Variants in TMEM184B observed in about 807,000 individuals in gnomAD.
TMEM184B encodes the protein putative MAPK-activating protein FM08.
In TMEM184B, 17 loss-of-function variants were observed where a neutral mutation model predicts 41.8. The observed-to-expected ratio is 0.41, with a 90% CI of 0.28 to 0.61. The LOEUF is 0.61. Ranked by LOEUF, TMEM184B falls within the 20% of genes least tolerant of loss-of-function variation. The pLI, the probability that TMEM184B is intolerant of heterozygous loss-of-function variation, is 0.34. For missense variants in TMEM184B, 393 were observed against 557.8 expected, an observed-to-expected ratio of 0.70 and a Z score of 2.98; for synonymous variants, 240 against 229.5, an observed-to-expected ratio of 1.05 and a Z score of -0.41.
chr22:38,248,676 C>G (rs190591510), intron 1 of TMEM184B, among the ~76,000 whole-genome samples: 48 of 152,342 alleles, frequency 3.2e-4, no homozygotes, highest in African/African-American at 1.2e-3. Context: ...TTCCCCCCAC[C>G]CCACCTAGAA....
chr22:38,255,887 G>A (rs1158148844), intron 1 of TMEM184B, among the ~76,000 whole-genome samples: 4 of 152,196 alleles, frequency 2.6e-5, no homozygotes, highest in African/African-American at 9.7e-5. Flanking sequence ...TGATGGGTGG[G>A]GGTGTGTAAT....
chr22:38,224,315 C>T (rs1023764941), intron 8 of TMEM184B, among the ~76,000 whole-genome samples: 16 of 152,286 alleles, frequency 1.1e-4, no homozygotes, highest in East Asian at 9.6e-4. Context: ...AGGGTTTCAC[C>T]GTGTTAGCCA....
chr22:38,230,867 C>T, intron 4 of TMEM184B, 123 bp from the exon 5 acceptor site: 3 of 941,884 alleles, frequency 3.2e-6, no homozygotes, highest in South Asian at 2.9e-5. Flanking sequence ...TCTGGGCAGA[C>T]TTTGAACCCG....
downstream of TMEM184B, among the ~76,000 whole-genome samples, chr22:38,218,508 CTATGGCTGGGT>C (rs142542563): frequency 0.038 from 5,727 of 152,102 alleles, 230 homozygotes; most frequent in East Asian, 0.15. Context: ...GAGGCCAACT[CTATGGCTGGGT>C]ATGGGGCTGG....
intron 1 of TMEM184B, among the ~76,000 whole-genome samples, chr22:38,253,554 G>C (rs2092215519): frequency 6.6e-6 from 1 of 152,068 alleles, no homozygotes; most frequent in South Asian, 2.1e-4. Context: ...CTGGGCAACA[G>C]AGCAAGACTC....
chr22:38,230,551 GC>G, intron 5 of TMEM184B, 117 bp downstream of exon 5: 1 of 995,932 alleles, frequency 1.0e-6, no homozygotes, highest in African/African-American at 1.6e-5. Context: ...GGTGCTGGGG[GC>G]CTGGGGTGCC....
intron 3 of TMEM184B, among the ~76,000 whole-genome samples, chr22:38,245,086 T>C (rs2091994014): frequency 6.6e-6 from 1 of 152,138 alleles, no homozygotes; most frequent in Non-Finnish European, 1.5e-5. Context: ...TCTTCCTGGG[T>C]GGCACAGTAG....
At chr22:38,250,218 C>A (rs561213277) in intron 1 of TMEM184B, among the ~76,000 whole-genome samples, 13 of 152,248 alleles carry the variant, frequency 8.5e-5, no homozygotes, top group African/African-American at 2.9e-4. Context: ...GAGGATCCTG[C>A]GCCCGCTGTC....
intron 8 of TMEM184B, chr22:38,224,183 T>A (rs1245689492): frequency 6.6e-6 from 1 of 152,226 alleles, no homozygotes. Flanking sequence ...TGGCACAATC[T>A]CGCTCACTGC....
At chr22:38,234,890 C>T (rs955024928) in intron 3 of TMEM184B, among the ~76,000 whole-genome samples, 4 of 152,284 alleles carry the variant, frequency 2.6e-5, no homozygotes, top group East Asian at 3.9e-4. Flanking sequence ...GCTCCATGCC[C>T]GAATCTCCTC....
At chr22:38,251,351 C>T (rs1301587510) in intron 1 of TMEM184B, among the ~76,000 whole-genome samples, 1 of 152,170 alleles carries the variant, frequency 6.6e-6, no homozygotes. Flanking sequence ...ATGAGGAAAA[C>T]GATGCAGAAC....
Position 38,220,592 on chromosome 22 carries a change from A to C in TMEM184B, c.*877T>G, listed in dbSNP as rs764307384. The C allele has an allele frequency of 6.1e-6, 6 of 986,026 alleles. No individual in the cohort carries two copies. The highest frequency in any genetic ancestry group is 7.2e-6 in the Non-Finnish European group (6 of 830,050). The allele number at this position is 986,026 out of a possible 1,614,324, so 61.1% of individuals were successfully genotyped here. ...CCTTTCCCCTGAAACGGGAGGGAGA[A>C]GCCCCAAAGAGAGAGAGGACCCAGC... On this transcript the variant is annotated 3_prime_UTR_variant, in exon 9 of 9. Transcript: ENST00000361906.
chr22:38,236,824 G>A lies in TMEM184B; in HGVS notation c.359-5490C>T, dbSNP rs1165860310. On this transcript the variant is annotated intron_variant, in intron 3 of 8. Coordinates refer to ENST00000361906, the MANE Select transcript of TMEM184B (RefSeq NM_012264.5). The stretch of plus-strand genomic sequence containing the variant: ...CCATTTCTAACGGGCAGAGTCCAGA[G>A]GTGGAAGTCGTGAGCTTGCTGCCAA... Among the ~76,000 whole-genome samples, 3 of 152,168 alleles carry A rather than the reference G, an allele frequency of 2.0e-5. No individual in the cohort carries two copies. The East Asian group carries it at 5.8e-4, about 29-fold the overall frequency.
At chr22:38,263,468 C>T (rs369413134) in intron 1 of TMEM184B, among the ~76,000 whole-genome samples, 8 of 152,288 alleles carry the variant, frequency 5.3e-5, no homozygotes, top group South Asian at 2.1e-4. Context: ...CTGCTCAATC[C>T]GGCACAGTGC....
intron 5 of TMEM184B, among the ~76,000 whole-genome samples, chr22:38,228,311 G>T (rs75001132): frequency 1.3e-5 from 2 of 152,228 alleles, no homozygotes; most frequent in East Asian, 3.8e-4. Context: ...GTGTTTCCCT[G>T]GGTCAGCTCA....
intron 1 of TMEM184B, among the ~76,000 whole-genome samples, chr22:38,265,459 C>A (rs2092430745): frequency 6.6e-6 from 1 of 152,120 alleles, no homozygotes; most frequent in Non-Finnish European, 1.5e-5. Flanking sequence ...TTGGGGGTAG[C>A]TACTCAGCAG....
At chr22:38,238,402 T>C (rs546658369) in intron 3 of TMEM184B, among the ~76,000 whole-genome samples, 1 of 152,052 alleles carries the variant, frequency 6.6e-6, no homozygotes, top group African/African-American at 2.4e-5. Context: ...ATTTTTGTAT[T>C]TTTAGTAGAG....
At chr22:38,272,577 C>A (rs1172664522) in intron 1 of TMEM184B, 11 of 985,530 alleles carry the variant, frequency 1.1e-5, no homozygotes, top group Non-Finnish European at 1.2e-5. Flanking sequence ...ATCCGCCTCC[C>A]TCTCCCGGGG....
At chr22:38,232,966 C>A (rs1029956617) in intron 3 of TMEM184B, among the ~76,000 whole-genome samples, 8 of 152,176 alleles carry the variant, frequency 5.3e-5, no homozygotes, top group African/African-American at 1.9e-4. Flanking sequence ...ACCCACGGAA[C>A]CTGATTTGCA....
Sources: gnomAD v4.1 joint callset for allele counts (sites outside exome capture counted in the v4.1 genomes callset) on GRCh38, gnomAD v4.1.1 for gene constraint, MANE v1.5 for transcripts, NCBI Gene and HGNC (gene_info 2026-07-23, HGNC 2026-07-21) for gene names.